The following TRO variants were observed in gnomAD, a reference collection of about 807,000 sequenced individuals.
TRO encodes the protein MAGE superfamily protein.
TRO carries 29 observed loss-of-function variants against 42.3 expected under a neutral mutation model. The ratio of observed to expected loss-of-function variants is 0.68; its 90% CI spans 0.51 to 0.93. The LOEUF (loss-of-function observed/expected upper bound fraction) is 0.93. TRO is among the 40% of genes least tolerant of loss of function. TRO has a pLI of 0.00. For synonymous variants in TRO, 384 were observed against 425.2 expected (o/e 0.90, Z 1.19); for missense variants, 963 against 1,127.7 (o/e 0.85, Z 2.09).
Position 54,924,705 on chromosome X carries a change from C to T in TRO, c.1377C>T (p.Asp459=), listed in dbSNP as rs1026571653. 4.1e-6 allele frequency: 5 copies of T among 1,211,777 alleles called. No individual in the cohort carries two copies. Among genetic ancestry groups the T allele is most frequent in the Non-Finnish European group, 5.6e-6 (5 of 895,397 alleles). ...TGGTGAAATACCTGTTGGTTAAGGA[C>T]CAGACAAAGATCCCCATCAAACGCT... The part of the protein sequence containing the change: ...NKLVKYLLVK[D]QTKIPIKRSD... Residue 459 remains aspartate (D), a synonymous_variant, in exon 5 of 13, where the codon GAC becomes GAT. Coordinates refer to ENST00000173898, the MANE Select transcript of TRO (RefSeq NM_001039705.3).
intron 10 of TRO, 86 bp downstream of exon 10, chrX:54,927,191 T>C: frequency 2.0e-6 from 2 of 1,005,714 alleles, no homozygotes; most frequent in South Asian, 4.1e-5. Context: ...AGTGCCTTTC[T>C]TATACTAGCT....
In TRO at chrX:54,929,589, C is replaced by T; in HGVS notation, c.2865C>T (p.Thr955=). ...CCAATTTTGGTGGTACACTAAGTAC[C>T]AGCATCTGCTTTGATGGCTCTCCCA... ...TSANFGGTLS[T]SICFDGSPST... is the part of the protein sequence containing the mutation. Residue 955 remains threonine (T), a synonymous_variant, in exon 12 of 13, where the codon ACC becomes ACT. Coordinates refer to ENST00000173898, the MANE Select transcript of TRO (RefSeq NM_001039705.3). 8.3e-7 allele frequency: 1 copy of T among 1,211,832 alleles called. No homozygotes were observed. The highest frequency in any genetic ancestry group is 1.1e-6 in the Non-Finnish European group (1 of 895,430).
At position 54,929,911 on chromosome X, in the gene TRO, C is replaced by T; in HGVS notation, c.3187C>T (p.Leu1063Phe). ...PSTSAGFGGALNTNASFGCAV... is the reference protein window; with the variant it reads ...PSTSAGFGGAFNTNASFGCAV... ...CACCAGTGCTGGCTTTGGTGGTGCA[C>T]TCAACACCAATGCCAGCTTTGGCTG... The change falls in exon 12 of 13, where the codon CTC (leucine) becomes TTC (phenylalanine). Residue 1063 changes from leucine to phenylalanine, a missense_variant. By Grantham distance (22) the Leu-to-Phe change is conservative. Transcript: ENST00000173898. 8.3e-7 allele frequency: 1 copy of T among 1,210,577 alleles called. No individual in the cohort carries two copies. The highest frequency in any genetic ancestry group is 1.1e-6 in the Non-Finnish European group (1 of 894,852).
At position 54,931,319 on chromosome X, in the gene TRO, C is replaced by T. The variant is rs1307756368; in HGVS notation, c.*127C>T. On this transcript the variant is annotated 3_prime_UTR_variant, in exon 13 of 13. Coordinates refer to ENST00000173898, the MANE Select transcript of TRO (RefSeq NM_001039705.3). Reference sequence around the variant, plus strand: ...AGCAGTCAAGGCAGTTATGGCCAATCAGCTGAGGGTGTCATGTGATGGAAA... The same window carrying T: ...AGCAGTCAAGGCAGTTATGGCCAATTAGCTGAGGGTGTCATGTGATGGAAA... 1 of 1,211,464 alleles carries T rather than the reference C, an allele frequency of 8.3e-7. No homozygotes were observed. Among genetic ancestry groups the T allele is most frequent in the Admixed American group, 2.2e-5 (1 of 46,038 alleles).
intron 9 of TRO, 92 bp downstream of exon 9, chrX:54,926,717 G>A: frequency 8.4e-7 from 1 of 1,183,837 alleles, no homozygotes; most frequent in Non-Finnish European, 1.1e-6. Context: ...TGGTCTGGTG[G>A]AGCGGGTGGG....
Position 54,925,004 on chromosome X carries a change from T to C in TRO, c.1421T>C (p.Val474Ala), listed in dbSNP as rs897734603. ...TTTTCTACAGACATGCTGAGGGATG[T>C]CATCCAAGAATATGATGAATATTTC... is the stretch of plus-strand genomic sequence containing the variant. ...PIKRSDMLRD[V>A]IQEYDEYFPE... Residue 474 changes from valine to alanine, a missense_variant, in exon 6 of 13, where the codon GTC becomes GCC. Physicochemically the swap from Val to Ala is moderately conservative, Grantham distance 64 (BLOSUM62 0). Coordinates refer to ENST00000173898, the MANE Select transcript of TRO (RefSeq NM_001039705.3). 7 of 1,211,266 alleles carry C rather than the reference T, an allele frequency of 5.8e-6. No individual in the cohort carries two copies. The highest frequency in any genetic ancestry group is 6.7e-6 in the Non-Finnish European group (6 of 895,079).
At chrX:54,926,864 C>A in intron 9 of TRO, 179 bp from the exon 10 acceptor site, 1 of 628,893 alleles carries the variant, frequency 1.6e-6, no homozygotes, top group Non-Finnish European at 2.4e-6. Context: ...TTCAGGGATC[C>A]CTGACAAAGA....
chrX:54,929,985 T>C lies in TRO; in HGVS notation c.3261T>C (p.Ala1087=), dbSNP rs747193034. ...TCAGTGGTGCTGTCAGCACCAGTGCTTGCTTCAGTGGTGCACCAATCACCA... is the reference window on the plus strand; with the variant it reads ...TCAGTGGTGCTGTCAGCACCAGTGCCTGCTTCAGTGGTGCACCAATCACCA... ...ASFSGAVSTS[A]CFSGAPITNP... The change falls in exon 12 of 13, where the codon GCT becomes GCC. Residue 1087 remains alanine, a synonymous_variant. Coordinates refer to ENST00000173898, the MANE Select transcript of TRO (RefSeq NM_001039705.3). 1 of 1,211,710 alleles carries C rather than the reference T, an allele frequency of 8.3e-7. No individual in the cohort carries two copies. Among genetic ancestry groups the C allele is most frequent in the Non-Finnish European group, 1.1e-6 (1 of 895,448 alleles).
At chrX:54,921,875 G>A (rs1932102988) in intron 1 of TRO, 1 of 164,017 alleles carries the variant, frequency 6.1e-6, no homozygotes, top group African/African-American at 3.1e-5. Context: ...AAACTGTCCG[G>A]TTTACCAAGG....
chrX:54,927,539 C>A, intron 10 of TRO, 128 bp from the exon 11 acceptor site: 1 of 488,709 alleles, frequency 2.0e-6, no homozygotes, highest in Non-Finnish European at 3.5e-6. Flanking sequence ...GAGTCTGGGG[C>A]TGGAGGGTCT....
chrX:54,926,706 G>A, intron 9 of TRO, 81 bp downstream of exon 9: 1 of 1,192,625 alleles, frequency 8.4e-7, no homozygotes, highest in Non-Finnish European at 1.1e-6. Flanking sequence ...CATCAGTCTG[G>A]TGGTCTGGTG....
chrX:54,922,176 C>T lies in TRO; in HGVS notation c.-44-27C>T, dbSNP rs914977392. 13 of 1,099,870 alleles carry T rather than the reference C, an allele frequency of 1.2e-5. No individual in the cohort carries two copies. The African/African-American group carries it at 2.2e-4, about 18-fold the overall frequency. The allele number at this position is 1,099,870 out of a possible 1,213,427, so 90.6% of individuals were successfully genotyped here. On this transcript the variant is annotated intron_variant, in intron 1 of 12. Transcript: ENST00000173898. The stretch of plus-strand genomic sequence containing the variant: ...GATAGGTGAGATGTCTGATGAATCT[C>T]CCCCTCCCTCTCATTCTCTAACTCA...
At position 54,924,505 on chromosome X, in the gene TRO, T is replaced by C. The variant is rs1253773337; in HGVS notation, c.1291T>C (p.Trp431Arg). Reference sequence around the variant, plus strand: ...TGGCAGTAATTACAGGCGGATCCCATGGGGCCGGAGGCCTGCACCACCGCG... The same window carrying C: ...TGGCAGTAATTACAGGCGGATCCCACGGGGCCGGAGGCCTGCACCACCGCG... ...RSGSNYRRIP[W>R]GRRPAPPRDV... is the part of the protein sequence containing the mutation. Residue 431 changes from tryptophan (W) to arginine (R), a missense_variant, in exon 4 of 13, where the codon TGG (tryptophan) becomes CGG (arginine). Physicochemically the swap from Trp to Arg is moderately radical, Grantham distance 101. Around this residue, in one of 2 missense-constraint regions of TRO, gnomAD observed 641 missense variants for 811.3 expected, o/e 0.79. Coordinates refer to ENST00000173898, the MANE Select transcript of TRO (RefSeq NM_001039705.3). The C allele has an allele frequency of 1.7e-6, 2 of 1,210,026 alleles. No individual in the cohort carries two copies. Among genetic ancestry groups the C allele is most frequent in the Non-Finnish European group, 2.2e-6 (2 of 894,666 alleles).
chrX:54,922,233 G>A lies in TRO; in HGVS notation c.-14G>A, dbSNP rs1932170725. On this transcript the variant is annotated 5_prime_UTR_variant, in exon 2 of 13. Coordinates refer to ENST00000173898, the MANE Select transcript of TRO (RefSeq NM_001039705.3). The stretch of plus-strand genomic sequence containing the variant: ...TTCCCCTCAGGCTCACCTGTTACTC[G>A]GCCTCCCAGAAAGATGGATAGGAGA... 8.3e-7 allele frequency: 1 copy of A among 1,207,816 alleles called. No homozygotes were observed. The highest frequency in any genetic ancestry group is 1.1e-6 in the Non-Finnish European group (1 of 893,715).
Position 54,930,434 on chromosome X carries a change from C to G in TRO, c.3710C>G (p.Ser1237Cys), listed in dbSNP as rs766883524. The G allele has an allele frequency of 7.0e-5, 84 of 1,207,425 alleles. 1 individual carries two copies. The South Asian group carries it at 1.5e-3, about 21-fold the overall frequency. Residue 1237 changes from serine to cysteine, a missense_variant, in exon 12 of 13, where the codon TCT becomes TGT. Coordinates refer to ENST00000173898, the MANE Select transcript of TRO (RefSeq NM_001039705.3). ...TTCAGTGGTGGCCTAAGCACAAGTT[C>G]TGGCTTTGATGGTGGGCTAGGTACC... ...AGFSGGLSTSSGFDGGLGTSA... is the reference protein window; with the variant it reads ...AGFSGGLSTSCGFDGGLGTSA...
chrX:54,929,394 A>T lies in TRO; in HGVS notation c.2670A>T (p.Gly890=). ...CGCTTAGCACCAGCACTGGCTTTGG[A>T]GGCATACTCAGCACCAGTGTCTGTT... is the stretch of plus-strand genomic sequence containing the variant. The part of the protein sequence containing the change: ...SSALSTSTGF[G]GILSTSVCFG... Residue 890 remains glycine (G), a synonymous_variant, in exon 12 of 13, where the codon GGA becomes GGT. Coordinates refer to ENST00000173898, the MANE Select transcript of TRO (RefSeq NM_001039705.3). 2 of 1,210,979 alleles carry T rather than the reference A, an allele frequency of 1.7e-6. No individual in the cohort carries two copies. Among genetic ancestry groups the T allele is most frequent in the Non-Finnish European group, 2.2e-6 (2 of 895,238 alleles).
intron 8 of TRO, 43 bp downstream of exon 8, chrX:54,926,532 G>T: frequency 8.3e-7 from 1 of 1,207,818 alleles, no homozygotes; most frequent in African/African-American, 1.7e-5. Flanking sequence ...CCATGGTCTG[G>T]ATTCCATGTG....
In TRO at chrX:54,930,232, G is replaced by A. The variant is rs1308976419; in HGVS notation, c.3508G>A (p.Gly1170Ser). Residue 1170 changes from glycine (G) to serine (S), a missense_variant, in exon 12 of 13, where the codon GGT becomes AGT. Physicochemically the swap from Gly to Ser is moderately conservative, Grantham distance 56. Transcript: ENST00000173898. ...GSASNTNLCF[G>S]GPPSTSACFS... ...TGCATCTAATACTAACCTATGCTTT[G>A]GTGGCCCTCCTAGCACCAGTGCCTG... 3.3e-6 allele frequency: 4 copies of A among 1,211,020 alleles called. No individual in the cohort carries two copies. The East Asian group carries it at 1.2e-4, about 36-fold the overall frequency.
In TRO at chrX:54,930,134, T is replaced by G; in HGVS notation, c.3410T>G (p.Val1137Gly). 1 of 1,209,800 alleles carries G rather than the reference T, an allele frequency of 8.3e-7. No homozygotes were observed. Among genetic ancestry groups the G allele is most frequent in the Non-Finnish European group, 1.1e-6 (1 of 894,833 alleles). ...IGFGAAPSTS[V>G]SFGGAHGTSL... ...TTTGGTGCTGCTCCCAGCACCAGTG[T>G]CAGCTTTGGTGGTGCTCATGGCACC... The change falls in exon 12 of 13, where the codon GTC becomes GGC. Residue 1137 changes from valine to glycine, a missense_variant. Coordinates refer to ENST00000173898, the MANE Select transcript of TRO (RefSeq NM_001039705.3).
Sources: gnomAD v4.1 joint callset for allele counts on GRCh38, gnomAD v4.1.1 for gene constraint, gnomAD v4.1.1 regional missense constraint, MANE v1.5 for transcripts, NCBI Gene and HGNC (gene_info 2026-07-23, HGNC 2026-07-21) for gene names.